Variants in ZNRF3 observed in about 807,000 individuals in gnomAD.
ZNRF3 encodes the protein zinc and ring finger 3.
ZNRF3 carries 23 observed loss-of-function variants against 72.5 expected under a neutral mutation model. That is an observed-to-expected ratio of 0.32 (90% CI 0.23 to 0.45). The LOEUF (loss-of-function observed/expected upper bound fraction) is 0.45. Ranked by LOEUF, ZNRF3 falls within the 20% of genes least tolerant of loss-of-function variation. The pLI is 1.00. For missense variants in ZNRF3, 1,169 were observed against 1,272.1 expected (o/e 0.92, Z 1.23); for synonymous variants, 610 against 545.3 (o/e 1.12, Z -1.65).
At chr22:28,988,578 G>A (rs180872344) in intron 2 of ZNRF3, among the ~76,000 whole-genome samples, 38 of 152,250 alleles carry the variant, frequency 2.5e-4, no homozygotes, top group African/African-American at 6.3e-4. Flanking sequence ...AAGTTGAATC[G>A]AGGTGTTTTA....
chr22:29,005,780 A>G (rs1254817162), intron 2 of ZNRF3, among the ~76,000 whole-genome samples: 2 of 152,178 alleles, frequency 1.3e-5, no homozygotes, highest in Non-Finnish European at 2.9e-5. Context: ...ACTGGAATTA[A>G]AAGGTGACTG....
chr22:28,938,612 C>T (rs132556), intron 1 of ZNRF3, among the ~76,000 whole-genome samples: 127,036 of 152,138 alleles, frequency 0.84, 54,149 homozygotes, highest in East Asian at 0.95. Flanking sequence ...GTCTCTGGTA[C>T]TTTGGGTGAC....
At chr22:29,026,087 G>C (rs1032107484) in intron 2 of ZNRF3, 1 of 152,112 alleles carries the variant, frequency 6.6e-6, no homozygotes, top group African/African-American at 2.4e-5. Flanking sequence ...TATTTATTGA[G>C]TACCAGGACT....
At position 29,030,094 on chromosome 22, in the gene ZNRF3, C is replaced by T. The variant is rs1215488704; in HGVS notation, c.427-12401C>T. Among the ~76,000 whole-genome samples the T allele has an allele frequency of 6.6e-6, 1 of 152,152 alleles. No individual in the cohort carries two copies. The highest frequency in any genetic ancestry group is 1.5e-5 in the Non-Finnish European group (1 of 68,026). On this transcript the variant is annotated intron_variant, in intron 2 of 8. Coordinates refer to ENST00000544604, the MANE Select transcript of ZNRF3 (RefSeq NM_001206998.2). The surrounding 1 kb of genome is among the most constrained non-coding windows in gnomAD (Gnocchi z 4.2). The stretch of plus-strand genomic sequence containing the variant: ...GAAACAACCCAACTGCGGTTTTTTC[C>T]ATAACATCTTTCACCCCACAGTATC...
At position 29,057,449 on chromosome 22, in the gene ZNRF3, G is replaced by A. The variant is rs1030512644; in HGVS notation, c.*3827G>A. The A allele has an allele frequency of 5.3e-5, 6 of 112,494 alleles. No homozygotes were observed. Among genetic ancestry groups the A allele is most frequent in the Non-Finnish European group, 5.7e-5 (3 of 52,834 alleles). The allele number at this position is 112,494 out of a possible 1,614,324, so 7.0% of individuals were successfully genotyped here. Reference sequence around the variant, plus strand: ...TGGTTTTGTAACAAATTGTACACATGACTGTAAAAAAAAAATACAATTTTA... The same window carrying A: ...TGGTTTTGTAACAAATTGTACACATAACTGTAAAAAAAAAATACAATTTTA... On this transcript the variant is annotated 3_prime_UTR_variant, in exon 9 of 9. Coordinates refer to ENST00000544604, the MANE Select transcript of ZNRF3 (RefSeq NM_001206998.2).
chr22:28,998,511 C>T (rs1176778925), intron 2 of ZNRF3, among the ~76,000 whole-genome samples: 1 of 152,018 alleles, frequency 6.6e-6, no homozygotes, highest in Non-Finnish European at 1.5e-5. Context: ...AAACCGGATG[C>T]AAGCAAGAAA....
At chr22:29,018,157 A>C in intron 2 of ZNRF3, 2 of 458,432 alleles carry the variant, frequency 4.4e-6, no homozygotes, top group East Asian at 1.1e-4. Context: ...TGAGACTTGA[A>C]TCTGAGAAGG....
chr22:29,044,854 C>T lies in ZNRF3; in HGVS notation c.708C>T (p.Leu236=), dbSNP rs545143660. 6.2e-7 allele frequency: 1 copy of T among 1,613,990 alleles called. No individual in the cohort carries two copies. The highest frequency in any genetic ancestry group is 2.2e-5 in the East Asian group (1 of 44,882). The change falls in exon 5 of 9, where the codon CTC becomes CTT. Residue 236 remains leucine (L), a synonymous_variant. Transcript: ENST00000544604. Reference sequence around the variant, plus strand: ...TGGTCTCCTTGGTCTGCCTCATCCTCCTTGTCAAAATCAAGCTGAAGCAGC... The same window carrying T: ...TGGTCTCCTTGGTCTGCCTCATCCTTCTTGTCAAAATCAAGCTGAAGCAGC... ...FVVVSLVCLI[L]LVKIKLKQRR... is the part of the protein sequence containing the mutation.
chr22:28,958,949 A>G (rs2035306680), intron 1 of ZNRF3, among the ~76,000 whole-genome samples: 1 of 152,236 alleles, frequency 6.6e-6, no homozygotes, highest in South Asian at 2.1e-4. Flanking sequence ...GCAGAGAAGA[A>G]TGGAGTCACT....
At chr22:28,902,190 G>C (rs976825597) in intron 1 of ZNRF3, among the ~76,000 whole-genome samples, 1 of 152,128 alleles carries the variant, frequency 6.6e-6, no homozygotes, top group African/African-American at 2.4e-5. Context: ...ACCTGCCTTG[G>C]CCTCCCAAAG....
intron 8 of ZNRF3, among the ~76,000 whole-genome samples, 154 bp downstream of exon 8, chr22:29,051,102 G>A (rs1200724259): frequency 6.6e-6 from 1 of 152,148 alleles, no homozygotes; most frequent in African/African-American, 2.4e-5. Context: ...CCTCAGCCTG[G>A]CCCTCCCTTG....
At chr22:28,993,155 G>C (rs1208968204) in intron 2 of ZNRF3, among the ~76,000 whole-genome samples, 1 of 152,194 alleles carries the variant, frequency 6.6e-6, no homozygotes, top group Non-Finnish European at 1.5e-5. Flanking sequence ...ATGTTCACTT[G>C]GCAGTGGCAT....
intron 2 of ZNRF3, among the ~76,000 whole-genome samples, chr22:29,012,012 A>C (rs534925135): frequency 6.6e-6 from 1 of 152,330 alleles, no homozygotes; most frequent in East Asian, 1.9e-4. Flanking sequence ...AGCCTAATCC[A>C]AAACAAAAAG....
At chr22:29,041,885 G>A (rs531258250) in intron 2 of ZNRF3, among the ~76,000 whole-genome samples, 6 of 152,222 alleles carry the variant, frequency 3.9e-5, no homozygotes, top group Non-Finnish European at 7.4e-5. Context: ...AAAAGGAACC[G>A]CATGAGATGG....
Position 29,002,330 on chromosome 22 carries a change from T to G in ZNRF3, c.426+15129T>G, listed in dbSNP as rs148314871. ...TGTACATGCTGCTGCTGACCAGCCT[T>G]AGGGAGGGCCTGATTTCTTATGGGC... On this transcript the variant is annotated intron_variant, in intron 2 of 8. Coordinates refer to ENST00000544604, the MANE Select transcript of ZNRF3 (RefSeq NM_001206998.2). 2.4e-4 allele frequency among the ~76,000 whole-genome samples: 37 copies of G among 152,328 alleles called. 1 individual carries two copies. In the East Asian group the frequency reaches 6.2e-3, roughly 25 times the overall value.
intron 1 of ZNRF3, among the ~76,000 whole-genome samples, chr22:28,924,966 C>T (rs1049393730): frequency 6.6e-6 from 1 of 152,128 alleles, no homozygotes; most frequent in Non-Finnish European, 1.5e-5. Flanking sequence ...TTCTCCCAGT[C>T]TCTGTAAAAA....
chr22:29,036,461 A>G (rs1041658253), intron 2 of ZNRF3, among the ~76,000 whole-genome samples: 1 of 152,228 alleles, frequency 6.6e-6, no homozygotes, highest in Non-Finnish European at 1.5e-5. Context: ...AAGTATCATC[A>G]TCTAGAGAGT....
intron 1 of ZNRF3, among the ~76,000 whole-genome samples, chr22:28,976,383 A>G (rs567360245): frequency 1.3e-5 from 2 of 152,236 alleles, no homozygotes; most frequent in South Asian, 4.1e-4. Context: ...TTAGCTGGGC[A>G]TGGTTGTGCA....
intron 1 of ZNRF3, among the ~76,000 whole-genome samples, chr22:28,922,741 C>A (rs1214651465): frequency 6.6e-6 from 1 of 152,342 alleles, no homozygotes; most frequent in African/African-American, 2.4e-5. Flanking sequence ...TGGCCCATGT[C>A]CGTTTCCCAG....
Sources: allele counts gnomAD v4.1 joint callset (sites outside exome capture counted in the v4.1 genomes callset), GRCh38; gene constraint gnomAD v4.1.1; non-coding constraint Gnocchi (gnomAD v3.1); transcripts MANE v1.5; gene names NCBI Gene and HGNC (gene_info 2026-07-23, HGNC 2026-07-21).